Variants in TESC observed in about 807,000 individuals in gnomAD.
TESC encodes the protein calcineurin B homologous protein 3.
TESC carries 19 observed loss-of-function variants against 31.0 expected under a neutral mutation model. The observed-to-expected ratio is 0.61, with a 90% CI of 0.43 to 0.90. TESC has a LOEUF of 0.90. TESC is among the 40% of genes least tolerant of loss of function. The pLI, the probability that TESC is intolerant of heterozygous loss-of-function variation, is 0.00. For missense variants in TESC, 248 were observed against 303.8 expected (o/e 0.82, Z 1.36); for synonymous variants, 109 against 114.8 (o/e 0.95, Z 0.32).
At chr12:117,056,183 A>G (rs970086588) in intron 3 of TESC, among the ~76,000 whole-genome samples, 1 of 151,874 alleles carries the variant, frequency 6.6e-6, no homozygotes, top group African/African-American at 2.4e-5. Flanking sequence ...AGCCTCCCAA[A>G]AGTGCTGGGA....
intron 6 of TESC, among the ~76,000 whole-genome samples, chr12:117,046,001 T>G (rs1954552287): frequency 6.6e-6 from 1 of 152,138 alleles, no homozygotes; most frequent in African/African-American, 2.4e-5. Context: ...TTCCCACCAG[T>G]CAAAATGAGG....
At chr12:117,098,534 C>G (rs575811594) in intron 1 of TESC, 2 of 152,404 alleles carry the variant, frequency 1.3e-5, no homozygotes, top group Admixed American at 1.3e-4. Flanking sequence ...TCCCTGCGGG[C>G]AGCTCGGCCA....
chr12:117,067,578 C>T (rs1288685611), intron 2 of TESC, among the ~76,000 whole-genome samples: 1 of 152,102 alleles, frequency 6.6e-6, no homozygotes, highest in Non-Finnish European at 1.5e-5. Context: ...CTCCCATCCC[C>T]TCAAAAAGTG....
At chr12:117,068,598 C>T (rs989327780) in intron 2 of TESC, among the ~76,000 whole-genome samples, 3 of 152,162 alleles carry the variant, frequency 2.0e-5, no homozygotes, top group Admixed American at 6.6e-5. Context: ...ATTTTGCTGA[C>T]GCCCCACTGT....
intron 1 of TESC, among the ~76,000 whole-genome samples, chr12:117,089,350 G>A (rs986031570): frequency 1.2e-4 from 18 of 152,206 alleles, no homozygotes; most frequent in African/African-American, 4.1e-4. Context: ...CTGTGGGGTG[G>A]TAGGGGGAAG....
At position 117,050,906 on chromosome 12, in the gene TESC, CTAAG is replaced by C. The variant is rs1592996411; in HGVS notation, c.210-1752_210-1749del. ...CGCCACTGCACTCCAGCCTGGGTGG[CTAAG>C]TAAGACCCTGTCTCAAACGAAAGAA... On this transcript the variant is annotated intron_variant, in intron 3 of 7. Coordinates refer to ENST00000335209, the MANE Select transcript of TESC (RefSeq NM_017899.4). 3.9e-5 allele frequency among the ~76,000 whole-genome samples: 6 copies of C among 152,340 alleles called. No individual in the cohort carries two copies. In the East Asian group the frequency reaches 9.6e-4, roughly 24 times the overall value.
At chr12:117,040,473 G>C (rs77895825) in intron 7 of TESC, among the ~76,000 whole-genome samples, 2,080 of 152,262 alleles carry the variant, frequency 0.014, 63 homozygotes, top group South Asian at 0.12. Context: ...AAGGAAGTTG[G>C]TTTCGGAGGC....
intron 7 of TESC, among the ~76,000 whole-genome samples, chr12:117,039,583 G>A (rs993359024): frequency 6.6e-5 from 10 of 152,058 alleles, no homozygotes; most frequent in African/African-American, 9.7e-5. Context: ...AACCTGTGCC[G>A]CCCACTTCAC....
Position 117,075,909 on chromosome 12 carries a change from A to ATGTGTGTG in TESC, c.59-570_59-569insCACACACA, listed in dbSNP as rs1296967139. ...TATATATATATATATATATATATATATATATGTGTGTGTGTATATATATAT... is the reference window on the plus strand; with the variant it reads ...TATATATATATATATATATATATATATGTGTGTGTATATGTGTGTGTGTATATATATAT... On this transcript the variant is annotated intron_variant, in intron 1 of 7. Transcript: ENST00000335209. Among the ~76,000 whole-genome samples, 60 of 61,276 alleles carry ATGTGTGTG rather than the reference A, an allele frequency of 9.8e-4. 2 individuals carry two copies. Among genetic ancestry groups the ATGTGTGTG allele is most frequent in the South Asian group, 3.9e-3 (8 of 2,068 alleles). 40.2% of individuals were successfully genotyped at this position (61,276 alleles called of 152,430 possible).
At chr12:117,080,183 G>A (rs541453754) in intron 1 of TESC, among the ~76,000 whole-genome samples, 5 of 152,200 alleles carry the variant, frequency 3.3e-5, no homozygotes, top group South Asian at 2.1e-4. Flanking sequence ...CAAAGTGCAC[G>A]CAAGGCTGGG....
At chr12:117,096,084 C>T (rs530221177) in intron 1 of TESC, among the ~76,000 whole-genome samples, 8 of 152,218 alleles carry the variant, frequency 5.3e-5, no homozygotes, top group African/African-American at 1.7e-4. Context: ...AGAGCACCAG[C>T]GTGGAGCCTG....
At chr12:117,090,017 A>T (rs1955284681) in intron 1 of TESC, among the ~76,000 whole-genome samples, 3 of 152,202 alleles carry the variant, frequency 2.0e-5, no homozygotes, top group African/African-American at 7.2e-5. Context: ...CTGATTTCTC[A>T]ACAGCAACAA....
chr12:117,069,694 TAAG>T (rs1375891137), intron 2 of TESC, among the ~76,000 whole-genome samples: 2 of 152,134 alleles, frequency 1.3e-5, no homozygotes, highest in Admixed American at 1.3e-4. Context: ...CCAACACAGA[TAAG>T]AAACGGTGGC....
intron 4 of TESC, 44 bp downstream of exon 4, chr12:117,048,975 G>C (rs370907489): frequency 1.2e-6 from 2 of 1,612,810 alleles, no homozygotes; most frequent in Non-Finnish European, 1.7e-6. Flanking sequence ...AGGGGAGGCT[G>C]CACCCCAGGC....
chr12:117,078,554 G>A (rs557198400), intron 1 of TESC, among the ~76,000 whole-genome samples: 3 of 144,268 alleles, frequency 2.1e-5, no homozygotes, highest in Admixed American at 6.8e-5. Context: ...GTGCAAGATG[G>A]AGGAAAAAAA....
At chr12:117,091,045 C>CA (rs1421095358) in intron 1 of TESC, among the ~76,000 whole-genome samples, 2 of 152,232 alleles carry the variant, frequency 1.3e-5, no homozygotes, top group Admixed American at 1.3e-4. Context: ...TTGCTCCTGA[C>CA]AGAGTGCCGG....
chr12:117,097,438 G>A (rs2135811021), intron 1 of TESC, among the ~76,000 whole-genome samples: 1 of 152,252 alleles, frequency 6.6e-6, no homozygotes, highest in African/African-American at 2.4e-5. Flanking sequence ...TGGAATTCCC[G>A]AGTGCCCCGT....
chr12:117,068,075 G>A (rs1370320108), intron 2 of TESC, among the ~76,000 whole-genome samples: 4 of 151,992 alleles, frequency 2.6e-5, no homozygotes, highest in Non-Finnish European at 5.9e-5. Flanking sequence ...AATTTTTTTT[G>A]TAGAGACAGA....
intron 3 of TESC, chr12:117,053,966 G>A (rs1019379910): frequency 3.3e-5 from 5 of 152,234 alleles, no homozygotes; most frequent in Admixed American, 3.3e-4. Flanking sequence ...TTAAAAGGAG[G>A]TGAGGGCACC....
Sources: gnomAD v4.1 joint callset for allele counts (sites outside exome capture counted in the v4.1 genomes callset) on GRCh38, gnomAD v4.1.1 for gene constraint, MANE v1.5 for transcripts, NCBI Gene and HGNC (gene_info 2026-07-23, HGNC 2026-07-21) for gene names.